GALNT16: variants seen among roughly 807,000 people sequenced by gnomAD.
The protein encoded by GALNT16 is UDP-GalNAc:polypeptide N-acetylgalactosaminyltransferase-like protein 1.
Under a neutral mutation model 76.1 loss-of-function variants are expected in GALNT16, and 40 were observed. The observed-to-expected ratio is 0.53, with a 90% CI of 0.41 to 0.68. The LOEUF is 0.68. GALNT16 is among the 30% of genes least tolerant of loss of function. GALNT16 has a pLI of 0.00. For synonymous variants in GALNT16, 276 were observed against 285.2 expected (o/e 0.97, Z 0.32); for missense variants, 621 against 731.9 (o/e 0.85, Z 1.75).
At chr14:69,366,794 G>A in the GALNT16 span, among the ~76,000 whole-genome samples, 1 of 152,154 alleles carries the variant, frequency 6.6e-6, no homozygotes, top group Non-Finnish European at 1.5e-5. Context: ...CATATGTTGA[G>A]AACCTATGAT....
downstream of GALNT16, chr14:69,355,996 A>AG (rs1716558329): frequency 6.6e-6 from 1 of 152,294 alleles, no homozygotes; most frequent in Non-Finnish European, 1.5e-5. Flanking sequence ...GAAACCTGGA[A>AG]GGGAAAGGCT....
At chr14:69,381,729 C>T in the GALNT16 span, among the ~76,000 whole-genome samples, 477 of 152,288 alleles carry the variant, frequency 3.1e-3, 4 homozygotes, top group African/African-American at 0.011. Context: ...CACTCTGTAA[C>T]TCAGTCTGGA....
chr14:69,269,179 G>A (rs144794216), intron 1 of GALNT16, among the ~76,000 whole-genome samples: 8 of 152,228 alleles, frequency 5.3e-5, no homozygotes, highest in South Asian at 2.1e-4. Flanking sequence ...GTATAAAAGC[G>A]TTGGTTCCTA....
At chr14:69,330,939 T>C (rs528497461) in intron 6 of GALNT16, among the ~76,000 whole-genome samples, 46 of 152,298 alleles carry the variant, frequency 3.0e-4, no homozygotes, top group Middle Eastern at 3.4e-3. Context: ...ATGAGAGGGA[T>C]AGCACCCAGA....
intron 1 of GALNT16, among the ~76,000 whole-genome samples, chr14:69,312,382 C>T (rs898275880): frequency 6.6e-6 from 1 of 152,204 alleles, no homozygotes; most frequent in African/African-American, 2.4e-5. Flanking sequence ...GAAGTGGCAC[C>T]GACCTGGACC....
chr14:69,370,598 G>C, the GALNT16 span, among the ~76,000 whole-genome samples: 65 of 152,160 alleles, frequency 4.3e-4, no homozygotes, highest in South Asian at 0.013. Context: ...AAAAAGAAGA[G>C]GTGAAACCCA....
intron 1 of GALNT16, among the ~76,000 whole-genome samples, chr14:69,298,085 G>T (rs1594831486): frequency 2.0e-5 from 3 of 152,324 alleles, no homozygotes; most frequent in Admixed American, 2.0e-4. Flanking sequence ...AAAATCTCTA[G>T]TCACTCAGCT....
intron 1 of GALNT16, among the ~76,000 whole-genome samples, chr14:69,316,983 C>T (rs1384597261): frequency 6.6e-6 from 1 of 152,136 alleles, no homozygotes; most frequent in Non-Finnish European, 1.5e-5. Context: ...AGCTCACCAT[C>T]TAGTGGAAAA....
At chr14:69,346,031 G>A (rs371709893) in intron 12 of GALNT16, among the ~76,000 whole-genome samples, 4 of 152,042 alleles carry the variant, frequency 2.6e-5, no homozygotes, top group African/African-American at 4.8e-5. Flanking sequence ...GGGACTATAG[G>A]CATGTGCCAC....
intron 1 of GALNT16, among the ~76,000 whole-genome samples, chr14:69,296,433 C>T (rs2044760249): frequency 6.6e-6 from 1 of 152,138 alleles, no homozygotes; most frequent in Non-Finnish European, 1.5e-5. Context: ...TTGGCTCATG[C>T]CTGTAATCCC....
At chr14:69,307,943 T>C (rs927296329) in intron 1 of GALNT16, among the ~76,000 whole-genome samples, 1 of 151,202 alleles carries the variant, frequency 6.6e-6, no homozygotes, top group Non-Finnish European at 1.5e-5. Flanking sequence ...TGGGGAGAAA[T>C]CAGGCAAAGT....
chr14:69,327,236 A>G (rs1395980177), intron 5 of GALNT16, among the ~76,000 whole-genome samples: 3 of 152,186 alleles, frequency 2.0e-5, no homozygotes, highest in Admixed American at 6.5e-5. Flanking sequence ...TGTAGCCCCA[A>G]CTACTCAGGA....
At chr14:69,273,469 T>C (rs143244865) in intron 1 of GALNT16, among the ~76,000 whole-genome samples, 1 of 152,358 alleles carries the variant, frequency 6.6e-6, no homozygotes, top group African/African-American at 2.4e-5. Context: ...CTATGATCGA[T>C]TAGCCATGTC....
At chr14:69,328,355 C>A in intron 5 of GALNT16, 95 bp from the exon 6 acceptor site, 2 of 1,274,244 alleles carry the variant, frequency 1.6e-6, no homozygotes, top group Non-Finnish European at 2.2e-6. Context: ...GAAGCCTCAG[C>A]CCCTGAAGGA....
At chr14:69,329,125 G>A (rs8005505) in intron 6 of GALNT16, among the ~76,000 whole-genome samples, 12,254 of 151,510 alleles carry the variant, frequency 0.081, 598 homozygotes, top group East Asian at 0.17. Flanking sequence ...TGGGAGGCCG[G>A]GGAGGGCAGA....
chr14:69,343,217 T>C (rs1209022963), intron 12 of GALNT16, among the ~76,000 whole-genome samples: 1 of 152,230 alleles, frequency 6.6e-6, no homozygotes, highest in Non-Finnish European at 1.5e-5. Flanking sequence ...GATGCTGCCA[T>C]GGCTTTCCAG....
intron 1 of GALNT16, among the ~76,000 whole-genome samples, chr14:69,276,122 T>TC (rs1487963872): frequency 9.2e-5 from 14 of 151,930 alleles, no homozygotes; most frequent in Non-Finnish European, 1.5e-5. Flanking sequence ...TTCAGTTACC[T>TC]CCCATTGGGT....
At chr14:69,306,305 C>G (rs1247821734) in intron 1 of GALNT16, among the ~76,000 whole-genome samples, 1 of 152,150 alleles carries the variant, frequency 6.6e-6, no homozygotes, top group Non-Finnish European at 1.5e-5. Flanking sequence ...TTCCCACAAT[C>G]TTTTGCTGTT....
the GALNT16 span, among the ~76,000 whole-genome samples, chr14:69,368,032 G>A: frequency 6.6e-6 from 1 of 151,972 alleles, no homozygotes; most frequent in Non-Finnish European, 1.5e-5. Context: ...AGAAAGAATG[G>A]CAAGAAAGTG....
Sources: allele counts gnomAD v4.1 joint callset (sites outside exome capture counted in the v4.1 genomes callset), GRCh38; gene constraint gnomAD v4.1.1; transcripts MANE v1.5; gene names NCBI Gene and HGNC (gene_info 2026-07-23, HGNC 2026-07-21).